The following ZCCHC7 variants were observed in gnomAD, a reference collection of about 807,000 sequenced individuals.
ZCCHC7 encodes zinc finger CCHC domain-containing protein 7.
In ZCCHC7, 35 loss-of-function variants were observed where a neutral mutation model predicts 52.0. That is an observed-to-expected ratio of 0.67 (90% CI 0.51 to 0.89). The LOEUF (loss-of-function observed/expected upper bound fraction) is 0.89. Ranked by LOEUF, ZCCHC7 falls within the 40% of genes least tolerant of loss-of-function variation. The pLI is 0.00. For missense variants in ZCCHC7, 574 were observed against 649.1 expected (o/e 0.88, Z 1.26); for synonymous variants, 217 against 221.5 (o/e 0.98, Z 0.18).
intron 2 of ZCCHC7, among the ~76,000 whole-genome samples, chr9:37,156,297 T>G (rs1419115575): frequency 6.6e-6 from 1 of 152,216 alleles, no homozygotes; most frequent in Non-Finnish European, 1.5e-5. Context: ...GAATTGACAT[T>G]AGATATCACA....
At chr9:37,222,345 GTGTGT>G (rs1824867498) in intron 2 of ZCCHC7, among the ~76,000 whole-genome samples, 2 of 149,390 alleles carry the variant, frequency 1.3e-5, no homozygotes, top group South Asian at 4.4e-4. Flanking sequence ...GTGTGTGTGT[GTGTGT>G]GTGTGTGTGT....
intron 2 of ZCCHC7, among the ~76,000 whole-genome samples, chr9:37,142,205 A>G (rs1843259677): frequency 6.6e-6 from 1 of 151,774 alleles, no homozygotes; most frequent in African/African-American, 2.4e-5. Flanking sequence ...ATGTTATGAT[A>G]TACTGTAAAT....
At chr9:37,145,446 C>T (rs547637369) in intron 2 of ZCCHC7, among the ~76,000 whole-genome samples, 3 of 151,770 alleles carry the variant, frequency 2.0e-5, no homozygotes, top group Non-Finnish European at 2.9e-5. Flanking sequence ...ATGTAATTAT[C>T]GTTCAGAAGG....
intron 2 of ZCCHC7, among the ~76,000 whole-genome samples, chr9:37,184,665 A>G (rs1822553961): frequency 6.6e-6 from 1 of 151,320 alleles, no homozygotes; most frequent in Admixed American, 6.6e-5. Context: ...TTATTACCCA[A>G]GTTTTAACCT....
intron 2 of ZCCHC7, among the ~76,000 whole-genome samples, chr9:37,252,783 A>G (rs992614682): frequency 6.6e-6 from 1 of 152,182 alleles, no homozygotes; most frequent in Non-Finnish European, 1.5e-5. Flanking sequence ...GAGGACAAAC[A>G]TAGTACCATC....
chr9:37,196,817 C>A (rs538400946), intron 2 of ZCCHC7, among the ~76,000 whole-genome samples: 12 of 152,088 alleles, frequency 7.9e-5, no homozygotes, highest in African/African-American at 2.4e-4. Flanking sequence ...TTAAAAAACC[C>A]TCCCAAAATA....
chr9:37,125,756 C>T (rs1842514393), intron 1 of ZCCHC7, among the ~76,000 whole-genome samples: 1 of 152,276 alleles, frequency 6.6e-6, no homozygotes, highest in Non-Finnish European at 1.5e-5. Flanking sequence ...TTACAATATA[C>T]CTGTGAAATC....
chr9:37,345,332 A>G (rs1820892109), intron 6 of ZCCHC7, among the ~76,000 whole-genome samples: 1 of 152,216 alleles, frequency 6.6e-6, no homozygotes, highest in African/African-American at 2.4e-5. Flanking sequence ...GTGGGTGGAA[A>G]ATCATTTCTG....
chr9:37,196,546 T>C (rs921508371), intron 2 of ZCCHC7, among the ~76,000 whole-genome samples: 2 of 152,326 alleles, frequency 1.3e-5, no homozygotes, highest in South Asian at 4.1e-4. Flanking sequence ...GAACCTATTC[T>C]TTATAGAGAT....
chr9:37,338,746 C>T (rs1453829556), intron 6 of ZCCHC7, among the ~76,000 whole-genome samples: 1 of 152,022 alleles, frequency 6.6e-6, no homozygotes, highest in Non-Finnish European at 1.5e-5. Flanking sequence ...CCCATGTTTT[C>T]ACGACCTCGA....
chr9:37,310,789 C>CA (rs200657747), intron 5 of ZCCHC7, among the ~76,000 whole-genome samples: 32 of 147,668 alleles, frequency 2.2e-4, no homozygotes, highest in African/African-American at 4.5e-4. Flanking sequence ...CACTCTTTAC[C>CA]AAAAAAAAAA....
At chr9:37,293,323 G>GA (rs899457481) in intron 2 of ZCCHC7, among the ~76,000 whole-genome samples, 9 of 152,074 alleles carry the variant, frequency 5.9e-5, no homozygotes, top group Non-Finnish European at 1.3e-4. Flanking sequence ...AGACACTGGA[G>GA]AAAAAAAGGA....
chr9:37,324,995 C>T (rs1230624918), intron 5 of ZCCHC7, among the ~76,000 whole-genome samples: 1 of 152,162 alleles, frequency 6.6e-6, no homozygotes, highest in Non-Finnish European at 1.5e-5. Flanking sequence ...ATGCACTAAG[C>T]CGTTGTTCTC....
chr9:37,323,766 T>C (rs1830138720), intron 5 of ZCCHC7, among the ~76,000 whole-genome samples: 1 of 152,194 alleles, frequency 6.6e-6, no homozygotes, highest in Non-Finnish European at 1.5e-5. Flanking sequence ...AAATTTTCCT[T>C]CTAGGAGAAA....
At chr9:37,167,846 G>A (rs980647221) in intron 2 of ZCCHC7, among the ~76,000 whole-genome samples, 10 of 152,238 alleles carry the variant, frequency 6.6e-5, no homozygotes, top group Non-Finnish European at 1.2e-4. Context: ...CAGTCTCACT[G>A]GTGGAAATAG....
At chr9:37,238,709 C>T (rs540995239) in intron 2 of ZCCHC7, among the ~76,000 whole-genome samples, 2 of 152,146 alleles carry the variant, frequency 1.3e-5, no homozygotes, top group African/African-American at 4.8e-5. Context: ...ATCATTTCAA[C>T]TGTTTCTTTC....
At chr9:37,340,031 T>C (rs1274127133) in intron 6 of ZCCHC7, among the ~76,000 whole-genome samples, 1 of 152,114 alleles carries the variant, frequency 6.6e-6, no homozygotes, top group Non-Finnish European at 1.5e-5. Context: ...AGATTCCTAG[T>C]AGTGAAGGGA....
chr9:37,186,391 T>G (rs1246460786), intron 2 of ZCCHC7, among the ~76,000 whole-genome samples: 1 of 152,150 alleles, frequency 6.6e-6, no homozygotes, highest in African/African-American at 2.4e-5. Flanking sequence ...GAGATGGATT[T>G]TCATAAACTT....
intron 2 of ZCCHC7, among the ~76,000 whole-genome samples, chr9:37,300,801 T>G (rs1829000550): frequency 6.6e-6 from 1 of 152,176 alleles, no homozygotes; most frequent in African/African-American, 2.4e-5. Context: ...AGTTTCTGCA[T>G]TAGTCATAGG....
Sources: allele counts gnomAD v4.1 joint callset (sites outside exome capture counted in the v4.1 genomes callset), GRCh38; gene constraint gnomAD v4.1.1; transcripts MANE v1.5; gene names NCBI Gene and HGNC (gene_info 2026-07-23, HGNC 2026-07-21).